The following CD81 variants were observed in gnomAD, a reference collection of about 807,000 sequenced individuals.
CD81 encodes CD81 molecule.
A neutral mutation model predicts 30.1 loss-of-function variants in CD81; 10 were observed. That is an observed-to-expected ratio of 0.33 (90% confidence interval 0.21 to 0.56). The LOEUF (loss-of-function observed/expected upper bound fraction) is 0.56, where lower values mean the gene tolerates loss of function less well. Among genes scored for constraint, CD81 ranks in the 20% least tolerant of loss-of-function variants. The pLI is 0.89. For missense variants in CD81, 263 were observed against 308.7 expected (o/e 0.85, Z 1.11); for synonymous variants, 147 against 126.4 (o/e 1.16, Z -1.10).
intron 6 of CD81, chr11:2,396,397 G>C: frequency 3.3e-6 from 2 of 608,490 alleles, no homozygotes; most frequent in Non-Finnish European, 5.9e-6. Context: ...CAGTGGAAAA[G>C]GGCACAGTGT....
At position 2,397,087 on chromosome 11, in the gene CD81, G is replaced by C; in HGVS notation, c.*221G>C. The stretch of plus-strand genomic sequence containing the variant: ...GCGTGTATGAGTGGAGACGGGCCTG[G>C]GTCTTGGGGACTGGAGGGCAGGGGT... On this transcript the variant is annotated 3_prime_UTR_variant, in exon 8 of 8. Coordinates refer to ENST00000263645, the MANE Select transcript of CD81 (RefSeq NM_004356.4). The C allele has an allele frequency of 3.4e-6, 2 of 593,586 alleles. No homozygotes were observed. Among genetic ancestry groups the C allele is most frequent in the East Asian group, 2.9e-5 (1 of 34,968 alleles). The allele number at this position is 593,586 out of a possible 1,614,324, so 36.8% of individuals were successfully genotyped here.
chr11:2,395,823 C>T, intron 5 of CD81, 46 bp from the exon 6 acceptor site: 1 of 1,330,650 alleles, frequency 7.5e-7, no homozygotes, highest in African/African-American at 1.4e-5. Flanking sequence ...AGCCACCGTC[C>T]CCCTGGGCAC....
chr11:2,386,530 C>T (rs1380299637), intron 1 of CD81: 1 of 716,512 alleles, frequency 1.4e-6, no homozygotes, highest in Non-Finnish European at 2.6e-6. Flanking sequence ...CGGCAGTGAC[C>T]ATCACCACCA....
chr11:2,391,415 C>G (rs78574124), intron 2 of CD81: 15,897 of 152,586 alleles, frequency 0.1, 2,389 homozygotes, highest in African/African-American at 0.34. Flanking sequence ...TGAACCAGGG[C>G]CCCAGGAGGC....
At chr11:2,386,543 G>A in intron 1 of CD81, 1 of 717,046 alleles carries the variant, frequency 1.4e-6, no homozygotes, top group Admixed American at 2.0e-5. Context: ...CACCACCATT[G>A]TTGTCACCTA....
chr11:2,384,498 TGTG>T (rs1441839095), intron 1 of CD81, among the ~76,000 whole-genome samples: 3 of 36,426 alleles, frequency 8.2e-5, no homozygotes, highest in South Asian at 9.7e-4. Flanking sequence ...TAGGGCGGCT[TGTG>T]GGGTGGGGCA....
intron 1 of CD81, among the ~76,000 whole-genome samples, chr11:2,380,882 C>A (rs1849693581): frequency 6.6e-6 from 1 of 152,354 alleles, no homozygotes; most frequent in Admixed American, 6.5e-5. Flanking sequence ...GCTGCTCCCC[C>A]AAGCTAATGC....
intron 4 of CD81, 114 bp from the exon 5 acceptor site, chr11:2,395,302 G>A (rs113482711): frequency 3.1e-5 from 28 of 889,764 alleles, no homozygotes; most frequent in Middle Eastern, 2.8e-4. Flanking sequence ...GTCTAGCCTC[G>A]AAGCCACCCT....
In CD81 at chr11:2,396,963, C is replaced by T. The variant is rs1063316; in HGVS notation, c.*97C>T. On this transcript the variant is annotated 3_prime_UTR_variant, in exon 8 of 8. Transcript: ENST00000263645. ...TCACCGCCTGTGTATATAACGTTTC[C>T]GGTATTACTCTGCTACACGTAGCCT... The T allele has an allele frequency of 0.02, 22,300 of 1,122,130 alleles. 295 individuals carry two copies. Among genetic ancestry groups the T allele is most frequent in the Middle Eastern group, 0.044 (227 of 5,120 alleles). The allele number at this position is 1,122,130 out of a possible 1,614,324, so 69.5% of individuals were successfully genotyped here.
chr11:2,381,747 G>A (rs1458378991), intron 1 of CD81, among the ~76,000 whole-genome samples: 6 of 152,234 alleles, frequency 3.9e-5, no homozygotes, highest in African/African-American at 7.2e-5. Flanking sequence ...CAGGCTGGGC[G>A]TGCTATGGGT....
chr11:2,390,333 T>C, intron 1 of CD81, 79 bp from the exon 2 acceptor site: 3 of 1,098,528 alleles, frequency 2.7e-6, no homozygotes, highest in Non-Finnish European at 4.2e-6. Context: ...GGAGGCTGCT[T>C]AGGCCTTGCG....
chr11:2,390,804 G>A (rs1475003786), intron 2 of CD81, among the ~76,000 whole-genome samples: 1 of 152,156 alleles, frequency 6.6e-6, no homozygotes, highest in African/African-American at 2.4e-5. Flanking sequence ...GGGTTATTTC[G>A]GGGGAGGCTC....
At chr11:2,393,728 G>A in intron 2 of CD81, 1 of 600,626 alleles carries the variant, frequency 1.7e-6, no homozygotes, top group Non-Finnish European at 3.0e-6. Context: ...TTTGGGAGCG[G>A]GTGAAGGCGG....
chr11:2,394,931 G>T lies in CD81; in HGVS notation c.280-41G>T, dbSNP rs889705579. The T allele has an allele frequency of 1.9e-6, 3 of 1,583,790 alleles. No homozygotes were observed. In the African/African-American group the frequency reaches 4.0e-5, roughly 21 times the overall value. Reference sequence around the variant, plus strand: ...TGTGTGTCCTTGGGCCCCGCCTACAGCCTGCCCTCTTTCCTCCCTCTGGCC... The same window carrying T: ...TGTGTGTCCTTGGGCCCCGCCTACATCCTGCCCTCTTTCCTCCCTCTGGCC... On this transcript the variant is annotated intron_variant, in intron 3 of 7. Transcript: ENST00000263645.
intron 4 of CD81, 86 bp downstream of exon 4, chr11:2,395,132 T>A: frequency 8.6e-7 from 1 of 1,157,246 alleles, no homozygotes; most frequent in Non-Finnish European, 1.3e-6. Flanking sequence ...GGCTGACTCA[T>A]GGCTTGTGGG....
At chr11:2,380,941 A>G (rs1328696923) in intron 1 of CD81, among the ~76,000 whole-genome samples, 1 of 152,240 alleles carries the variant, frequency 6.6e-6, no homozygotes, top group Non-Finnish European at 1.5e-5. Context: ...CGGCCGGGAA[A>G]GAGACTGATT....
chr11:2,382,169 C>T (rs1191821763), intron 1 of CD81, among the ~76,000 whole-genome samples: 1 of 152,234 alleles, frequency 6.6e-6, no homozygotes, highest in African/African-American at 2.4e-5. Flanking sequence ...CTGCACTGGC[C>T]GCCAATGCCA....
rs760473654 is a variant in CD81, at chr11:2,395,532, G to T, written c.459+12G>T. On this transcript the variant is annotated intron_variant, in intron 5 of 7. Transcript: ENST00000263645. Reference sequence around the variant, plus strand: ...CCTTCCACGAGACGGTGCGGCCCCGGGGGGCGAGGGCGGGGAGCAGGGCCC... The same window carrying T: ...CCTTCCACGAGACGGTGCGGCCCCGTGGGGCGAGGGCGGGGAGCAGGGCCC... 4.4e-6 allele frequency: 7 copies of T among 1,606,826 alleles called. No individual in the cohort carries two copies. The highest frequency in any genetic ancestry group is 6.0e-6 in the Non-Finnish European group (7 of 1,174,842).
At position 2,378,676 on chromosome 11, in the gene CD81, T is replaced by G. The variant is rs1489663598; in HGVS notation, c.66+1061T>G. On this transcript the variant is annotated intron_variant, in intron 1 of 7. Coordinates refer to ENST00000263645, the MANE Select transcript of CD81 (RefSeq NM_004356.4). The surrounding 1 kb of genome is among the most constrained non-coding windows in gnomAD (Gnocchi z 4.9). ...GGTGTCCATGGCCGCGGCCTCCCCG[T>G]GGCCACGCCCCTGGGCATAGACTGC... is the stretch of plus-strand genomic sequence containing the variant. Among the ~76,000 whole-genome samples, 1 of 152,170 alleles carries G rather than the reference T, an allele frequency of 6.6e-6. No homozygotes were observed. Among genetic ancestry groups the G allele is most frequent in the African/African-American group, 2.4e-5 (1 of 41,452 alleles).
Sources: allele counts gnomAD v4.1 joint callset (sites outside exome capture counted in the v4.1 genomes callset), GRCh38; gene constraint gnomAD v4.1.1; non-coding constraint Gnocchi (gnomAD v3.1); transcripts MANE v1.5; gene names NCBI Gene and HGNC (gene_info 2026-07-23, HGNC 2026-07-21).